Variants in ADAMTS2 observed in about 807,000 individuals in gnomAD.
ADAMTS2 encodes the protein A disintegrin and metalloproteinase with thrombospondin motifs 2.
In ADAMTS2, 50 loss-of-function variants were observed where a neutral mutation model predicts 123.0. That is an observed-to-expected ratio of 0.41 (90% CI 0.32 to 0.51). The LOEUF is 0.51. ADAMTS2 is among the 20% of genes least tolerant of loss of function. The pLI, the probability that ADAMTS2 is intolerant of heterozygous loss-of-function variation, is 0.35. For missense variants in ADAMTS2, 1,494 were observed against 1,705.2 expected (o/e 0.88, Z 2.18); for synonymous variants, 678 against 695.4 (o/e 0.98, Z 0.39).
At chr5:179,297,389 G>T (rs1255232746) in intron 2 of ADAMTS2, among the ~76,000 whole-genome samples, 1 of 151,834 alleles carries the variant, frequency 6.6e-6, no homozygotes, top group African/African-American at 2.4e-5. Flanking sequence ...CACCCCACCT[G>T]CCTGGCAATG....
At chr5:179,343,739 G>A (rs369853596) in intron 2 of ADAMTS2, 28 bp downstream of exon 2, 394 of 1,604,076 alleles carry the variant, frequency 2.5e-4, no homozygotes, top group South Asian at 1.0e-3. Flanking sequence ...GCAGCGGAGA[G>A]AAAGGAGCTA....
At chr5:179,341,439 G>A (rs1757770416) in intron 2 of ADAMTS2, 1 of 276,010 alleles carries the variant, frequency 3.6e-6, no homozygotes, top group Non-Finnish European at 7.2e-6. Flanking sequence ...AGTGGCTCAT[G>A]CCTGTAATCC....
intron 2 of ADAMTS2, among the ~76,000 whole-genome samples, chr5:179,319,783 G>A (rs1319858095): frequency 6.6e-6 from 1 of 151,822 alleles, no homozygotes; most frequent in Non-Finnish European, 1.5e-5. Context: ...GGAAGCATGC[G>A]TGCAGACTGG....
chr5:179,195,695 C>G (rs959932432), intron 4 of ADAMTS2, among the ~76,000 whole-genome samples: 1 of 152,224 alleles, frequency 6.6e-6, no homozygotes, highest in African/African-American at 2.4e-5. Context: ...CACGTGAGGG[C>G]ACTGCCCTCT....
chr5:179,254,754 T>C (rs185607982), intron 3 of ADAMTS2, among the ~76,000 whole-genome samples: 1 of 152,314 alleles, frequency 6.6e-6, no homozygotes, highest in East Asian at 1.9e-4. Context: ...GAAATATATT[T>C]TGGCTGAAAG....
intron 2 of ADAMTS2, among the ~76,000 whole-genome samples, chr5:179,274,214 C>T (rs984039748): frequency 6.6e-6 from 1 of 152,190 alleles, no homozygotes; most frequent in African/African-American, 2.4e-5. Flanking sequence ...ACACTTTTAT[C>T]TTCTGGTCCA....
At chr5:179,299,328 G>C (rs909242098) in intron 2 of ADAMTS2, among the ~76,000 whole-genome samples, 5 of 76,532 alleles carry the variant, frequency 6.5e-5, no homozygotes, top group South Asian at 5.7e-4. Context: ...AGGAGATGGA[G>C]ACCATCCTGG....
intron 3 of ADAMTS2, among the ~76,000 whole-genome samples, chr5:179,238,591 C>A (rs1765589209): frequency 6.6e-6 from 1 of 152,050 alleles, no homozygotes; most frequent in Non-Finnish European, 1.5e-5. Flanking sequence ...GGAGGGTGAG[C>A]TGAGGGTGTC....
At chr5:179,329,400 G>A (rs1465433036) in intron 2 of ADAMTS2, among the ~76,000 whole-genome samples, 2 of 151,106 alleles carry the variant, frequency 1.3e-5, no homozygotes, top group Non-Finnish European at 2.9e-5. Context: ...GAACTTCACA[G>A]ATGATGGAAT....
chr5:179,141,488 A>C (rs1763169559), intron 10 of ADAMTS2, among the ~76,000 whole-genome samples: 1 of 152,230 alleles, frequency 6.6e-6, no homozygotes, highest in Non-Finnish European at 1.5e-5. Flanking sequence ...TAACTGACGA[A>C]AATTAGTTTT....
In ADAMTS2 at chr5:179,128,028, C is replaced by T. The variant is rs1452685826; in HGVS notation, c.2548G>A (p.Glu850Lys). 6.2e-7 allele frequency: 1 copy of T among 1,614,132 alleles called. No homozygotes were observed. The highest frequency in any genetic ancestry group is 8.5e-7 in the Non-Finnish European group (1 of 1,180,048). Residue 850 changes from glutamate (E) to lysine (K), a missense_variant, in exon 17 of 22, where the codon GAA becomes AAA. Transcript: ENST00000251582. This position sits in a 1 kb window ranked among gnomAD's most constrained non-coding sequence, Gnocchi z 4.9. Reference protein sequence around the residue: ...SLNVDDNNVLEEDSVVYEWAL... With the variant: ...SLNVDDNNVLKEDSVVYEWAL... ...CACTCGTAGACCACAGAGTCCTCTT[C>T]CAGGACGTTGTTGTCGTCGACATTC...
At chr5:179,279,437 A>G (rs949814048) in intron 2 of ADAMTS2, among the ~76,000 whole-genome samples, 5 of 152,134 alleles carry the variant, frequency 3.3e-5, no homozygotes, top group Admixed American at 6.5e-5. Context: ...CTTTCTCCCC[A>G]TCTTCCTTTT....
chr5:179,203,606 T>C (rs1047947780), intron 4 of ADAMTS2, among the ~76,000 whole-genome samples: 8 of 152,196 alleles, frequency 5.3e-5, no homozygotes, highest in Admixed American at 2.6e-4. Context: ...AACCCTGCCC[T>C]GTTCAGCACA....
At chr5:179,140,354 G>T (rs1259595836) in intron 10 of ADAMTS2, among the ~76,000 whole-genome samples, 1 of 152,202 alleles carries the variant, frequency 6.6e-6, no homozygotes, top group Non-Finnish European at 1.5e-5. Flanking sequence ...CCTCCTGGGT[G>T]CCCACACACA....
At chr5:179,219,935 G>A (rs866756729) in intron 3 of ADAMTS2, among the ~76,000 whole-genome samples, 13 of 152,216 alleles carry the variant, frequency 8.5e-5, no homozygotes, top group African/African-American at 1.7e-4. Context: ...AAGGATTCAC[G>A]GGGGTCTCGG....
intron 3 of ADAMTS2, among the ~76,000 whole-genome samples, chr5:179,227,483 C>T (rs537533552): frequency 6.6e-6 from 1 of 152,334 alleles, no homozygotes; most frequent in Admixed American, 6.5e-5. Context: ...ATCTGCTTGG[C>T]CTGGCTCTGG....
chr5:179,114,981 A>G (rs1021147611), intron 21 of ADAMTS2, among the ~76,000 whole-genome samples: 4 of 152,134 alleles, frequency 2.6e-5, no homozygotes, highest in Non-Finnish European at 5.9e-5. Context: ...AACTTACCCA[A>G]CAACCTCATT....
intron 2 of ADAMTS2, among the ~76,000 whole-genome samples, chr5:179,330,873 C>G (rs1010679419): frequency 6.6e-6 from 1 of 152,180 alleles, no homozygotes; most frequent in African/African-American, 2.4e-5. Flanking sequence ...ACCTTGTTTG[C>G]TAGAAAATGC....
At chr5:179,318,030 C>A (rs1414609685) in intron 2 of ADAMTS2, among the ~76,000 whole-genome samples, 1 of 152,160 alleles carries the variant, frequency 6.6e-6, no homozygotes, top group Non-Finnish European at 1.5e-5. Flanking sequence ...CACGTCCTCC[C>A]CAAAGGTCAG....
Sources: gnomAD v4.1 joint callset for allele counts (sites outside exome capture counted in the v4.1 genomes callset) on GRCh38, gnomAD v4.1.1 for gene constraint, Gnocchi (gnomAD v3.1) non-coding constraint, MANE v1.5 for transcripts, NCBI Gene and HGNC (gene_info 2026-07-23, HGNC 2026-07-21) for gene names.